Variants in TNS1 observed in about 807,000 individuals in gnomAD.
TNS1 encodes tensin-1.
TNS1 carries 62 observed loss-of-function variants against 168.6 expected under a neutral mutation model. The ratio of observed to expected loss-of-function variants is 0.37; its 90% CI spans 0.30 to 0.45. The LOEUF (loss-of-function observed/expected upper bound fraction) is 0.45, where lower values mean the gene tolerates loss of function less well. Among genes scored for constraint, TNS1 ranks in the 20% least tolerant of loss-of-function variants. The pLI is 1.00. For missense variants in TNS1, 2,240 were observed against 2,339.4 expected (o/e 0.96, Z 0.88); for synonymous variants, 934 against 933.2 (o/e 1.00, Z -0.02).
chr2:217,890,982 A>G lies in TNS1; in HGVS notation c.846T>C (p.Ile282=), dbSNP rs1951685134. Residue 282 remains isoleucine (I), a synonymous_variant, in exon 12 of 33, where the codon ATT becomes ATC. Transcript: ENST00000682258. The part of the protein sequence containing the change: ...KRFYEDKIVP[I]GQPSQRRYVH... Reference sequence around the variant, plus strand: ...CCCACCTTCTTTGGGATGGCTGGCCAATGGGCACAATCTTATCCTCATAGA... The same window carrying G: ...CCCACCTTCTTTGGGATGGCTGGCCGATGGGCACAATCTTATCCTCATAGA... The G allele has an allele frequency of 6.2e-7, 1 of 1,614,098 alleles. No homozygotes were observed. Among genetic ancestry groups the G allele is most frequent in the Admixed American group, 1.7e-5 (1 of 60,006 alleles).
At chr2:217,942,242 C>T (rs1244799718) in intron 3 of TNS1, among the ~76,000 whole-genome samples, 1 of 152,184 alleles carries the variant, frequency 6.6e-6, no homozygotes, top group South Asian at 2.1e-4. Context: ...ACCCTCAGCT[C>T]CTGGTTACAG....
intron 3 of TNS1, among the ~76,000 whole-genome samples, chr2:217,944,977 C>T (rs1482626181): frequency 6.6e-6 from 1 of 152,240 alleles, no homozygotes; most frequent in Non-Finnish European, 1.5e-5. Context: ...ATGCTGGCCA[C>T]TAAAGACTAT....
At chr2:217,983,093 G>A (rs544836851) in intron 2 of TNS1, among the ~76,000 whole-genome samples, 3 of 152,300 alleles carry the variant, frequency 2.0e-5, no homozygotes, top group African/African-American at 7.2e-5. Flanking sequence ...CAGCCAGTCT[G>A]TGAGTGACAG....
chr2:217,936,955 C>A (rs530396231), intron 3 of TNS1: 1 of 456,682 alleles, frequency 2.2e-6, no homozygotes, highest in East Asian at 6.9e-5. Context: ...GGGAGACCCA[C>A]GCTTGTTATT....
chr2:217,809,162 T>G, intron 30 of TNS1, among the ~76,000 whole-genome samples: 1 of 151,760 alleles, frequency 6.6e-6, no homozygotes, highest in Admixed American at 6.6e-5. Flanking sequence ...GAGGGATGAA[T>G]AAATGCAGGG....
In TNS1 at chr2:217,907,205, C is replaced by T; in HGVS notation, c.270+5G>A. On this transcript the variant is annotated splice_donor_5th_base_variant and intron_variant, in intron 5 of 32. Transcript: ENST00000682258. ...GCTCCCCCACCACCACCTGCCATCA[C>T]TCACCTTGTCCACTACATTCTTTGG... 1 of 703,188 alleles carries T rather than the reference C, an allele frequency of 1.4e-6. No homozygotes were observed. Among genetic ancestry groups the T allele is most frequent in the South Asian group, 1.5e-5 (1 of 67,588 alleles). 43.6% of individuals were successfully genotyped at this position (703,188 alleles called of 1,614,324 possible). A position where few individuals can be genotyped will look rare whatever the true frequency, so the allele number is the denominator to read the frequency against.
At chr2:218,024,285 C>T (rs933054340) in intron 1 of TNS1, among the ~76,000 whole-genome samples, 2 of 152,110 alleles carry the variant, frequency 1.3e-5, no homozygotes, top group Admixed American at 1.3e-4. Context: ...TGCAAGAGAA[C>T]CACAAAGAAA....
At chr2:217,926,752 G>A (rs773952700) in intron 3 of TNS1, among the ~76,000 whole-genome samples, 26 of 152,182 alleles carry the variant, frequency 1.7e-4, no homozygotes, top group Non-Finnish European at 2.6e-4. Flanking sequence ...AACCACCCAC[G>A]AGGCAAGCAT....
At chr2:217,812,668 C>T (rs1574574468) in intron 27 of TNS1, among the ~76,000 whole-genome samples, 1 of 152,228 alleles carries the variant, frequency 6.6e-6, no homozygotes, top group East Asian at 1.9e-4. Context: ...TAACAACTTT[C>T]CTTTGCAGAA....
At chr2:217,923,212 C>T (rs973284999) in intron 3 of TNS1, among the ~76,000 whole-genome samples, 16 of 152,276 alleles carry the variant, frequency 1.1e-4, no homozygotes, top group Admixed American at 8.5e-4. Context: ...GCTGTCAGTG[C>T]AGGATTCCAG....
intron 19 of TNS1, among the ~76,000 whole-genome samples, chr2:217,836,604 C>T (rs548802323): frequency 8.7e-4 from 132 of 152,302 alleles, no homozygotes; most frequent in African/African-American, 2.8e-3. Context: ...AACCAACCAG[C>T]AACATCAAGC....
chr2:217,939,353 T>C (rs955914410), intron 3 of TNS1, among the ~76,000 whole-genome samples: 15 of 152,246 alleles, frequency 9.9e-5, no homozygotes, highest in African/African-American at 3.6e-4. Context: ...ATCAAAACCC[T>C]CACCCCTCTG....
chr2:217,994,004 G>A (rs1374913963), intron 1 of TNS1, among the ~76,000 whole-genome samples: 2 of 152,198 alleles, frequency 1.3e-5, no homozygotes, highest in African/African-American at 2.4e-5. Context: ...GGCTAGAAGT[G>A]GGGACTGCGG....
chr2:217,858,520 A>C lies in TNS1; in HGVS notation c.1430-9433T>G, dbSNP rs1159400535. The C allele has an allele frequency of 3.0e-6, 3 of 985,884 alleles. No individual in the cohort carries two copies. In the African/African-American group the frequency reaches 5.3e-5, roughly 17 times the overall value. The allele number at this position is 985,884 out of a possible 1,614,324, so 61.1% of individuals were successfully genotyped here. A position where few individuals can be genotyped will look rare whatever the true frequency, so the allele number is the denominator to read the frequency against. On this transcript the variant is annotated intron_variant, in intron 18 of 32. Coordinates refer to ENST00000682258, the MANE Select transcript of TNS1 (RefSeq NM_001387777.1). ...CTGGAGGGAGGGAGGGAGAGGGAGG[A>C]AGCGGAGGGAAGCCCGCTCTGATTT...
intron 18 of TNS1, among the ~76,000 whole-genome samples, chr2:217,858,958 G>C (rs2125522300): frequency 8.7e-6 from 1 of 114,804 alleles, no homozygotes; most frequent in South Asian, 3.3e-4. Context: ...CCCAACCCCA[G>C]CCCAGCCCCA....
chr2:217,923,348 A>G (rs1478810381), intron 3 of TNS1, among the ~76,000 whole-genome samples: 1 of 152,222 alleles, frequency 6.6e-6, no homozygotes, highest in East Asian at 1.9e-4. Context: ...TAACATAGCA[A>G]TAAAAATCAC....
At position 218,032,172 on chromosome 2, in the gene TNS1, C is replaced by G. The variant is rs1300014860; in HGVS notation, c.156+1648G>C. Among the ~76,000 whole-genome samples the G allele has an allele frequency of 1.3e-5, 2 of 152,180 alleles. No homozygotes were observed. The highest frequency in any genetic ancestry group is 2.9e-5 in the Non-Finnish European group (2 of 68,026). On this transcript the variant is annotated intron_variant, in intron 1 of 1. Transcript: ENST00000649572. This position sits in a 1 kb window ranked among gnomAD's most constrained non-coding sequence, Gnocchi z 4.0. Reference sequence around the variant, plus strand: ...GGCCACCTGGGAGGGGCAGGGCCCACAGCTGCAGGCACTGACAACCCAGAG... The same window carrying G: ...GGCCACCTGGGAGGGGCAGGGCCCAGAGCTGCAGGCACTGACAACCCAGAG...
Position 217,817,481 on chromosome 2 carries a change from C to T in TNS1, c.4642+209G>A, listed in dbSNP as rs1942073269. ...TATCATCCTCATCTGTATCCACATC[C>T]TCATCTCAGCATCCACAACCACAGC... is the stretch of plus-strand genomic sequence containing the variant. On this transcript the variant is annotated intron_variant, in intron 24 of 32. Transcript: ENST00000682258. Among the ~76,000 whole-genome samples the T allele has an allele frequency of 2.0e-5, 3 of 152,160 alleles. No homozygotes were observed. In the South Asian group the frequency reaches 6.2e-4, roughly 32 times the overall value.
intron 27 of TNS1, 64 bp from the exon 28 acceptor site, chr2:217,812,509 C>T (rs1309614013): frequency 4.4e-6 from 6 of 1,364,674 alleles, no homozygotes; most frequent in Non-Finnish European, 5.2e-6. Context: ...AAACCTCCAC[C>T]TCTACCCTTA....
Sources: gnomAD v4.1 joint callset for allele counts (sites outside exome capture counted in the v4.1 genomes callset) on GRCh38, gnomAD v4.1.1 for gene constraint, Gnocchi (gnomAD v3.1) non-coding constraint, MANE v1.5 for transcripts, NCBI Gene and HGNC (gene_info 2026-07-23, HGNC 2026-07-21) for gene names.